Variants in PRG3 observed in about 807,000 individuals in gnomAD.
The protein encoded by PRG3 is proteoglycan 3.
PRG3 carries 25 observed loss-of-function variants against 26.1 expected under a neutral mutation model. The ratio of observed to expected loss-of-function variants is 0.96; its 90% CI spans 0.70 to 1.34. PRG3 has a LOEUF of 1.34. Ranked by LOEUF, PRG3 falls within the 40% of genes most tolerant of loss-of-function variation. The probability of loss-of-function intolerance (pLI) is 0.00; values close to 1 mark genes in which losing one functional copy is unlikely to be tolerated. For missense variants in PRG3, 280 were observed against 264.8 expected, an observed-to-expected ratio of 1.06 and a Z score of -0.40; for synonymous variants, 111 against 100.4, an observed-to-expected ratio of 1.11 and a Z score of -0.63.
intron 2 of PRG3, among the ~76,000 whole-genome samples, chr11:57,380,413 AAAC>A (rs1472089475): frequency 4.0e-4 from 4 of 9,956 alleles, no homozygotes; most frequent in East Asian, 0.038. Flanking sequence ...ACAAAACAAA[AAAC>A]AAACAAAAAA....
At chr11:57,377,131 T>C (rs1856952792) in intron 5 of PRG3, among the ~76,000 whole-genome samples, 2 of 152,180 alleles carry the variant, frequency 1.3e-5, no homozygotes, top group Admixed American at 6.5e-5. Context: ...CTATTGCATT[T>C]AATCCTTACC....
chr11:57,379,477 G>T lies in PRG3; in HGVS notation c.375+17C>A. Reference sequence around the variant, plus strand: ...CTTTTCCCCCAGGTCCTCCGCAGTAGCCTCCCTACTACTTACCTGAGCTTC... The same window carrying T: ...CTTTTCCCCCAGGTCCTCCGCAGTATCCTCCCTACTACTTACCTGAGCTTC... On this transcript the variant is annotated intron_variant, in intron 3 of 5. Coordinates refer to ENST00000287143, the MANE Select transcript of PRG3 (RefSeq NM_006093.4). 1.9e-6 allele frequency: 3 copies of T among 1,585,600 alleles called. No homozygotes were observed. Among genetic ancestry groups the T allele is most frequent in the Non-Finnish European group, 1.7e-6 (2 of 1,164,244 alleles).
intron 5 of PRG3, among the ~76,000 whole-genome samples, chr11:57,377,475 A>G (rs1160144463): frequency 2.0e-5 from 3 of 152,054 alleles, no homozygotes; most frequent in Non-Finnish European, 4.4e-5. Flanking sequence ...TATTGCCCTC[A>G]TATCAAAGGA....
intron 5 of PRG3, 57 bp from the exon 6 acceptor site, chr11:57,376,965 A>C (rs2134462393): frequency 1.3e-6 from 2 of 1,592,762 alleles, no homozygotes; most frequent in Non-Finnish European, 1.7e-6. Flanking sequence ...CCTGGGCTTC[A>C]CCTCTTTCCC....
intron 5 of PRG3, 81 bp downstream of exon 5, chr11:57,377,644 G>A: frequency 8.5e-7 from 1 of 1,177,416 alleles, no homozygotes; most frequent in Non-Finnish European, 1.2e-6. Context: ...TTGGGGAGGT[G>A]TGTTCAGGCA....
At position 57,378,787 on chromosome 11, in the gene PRG3, C is replaced by A; in HGVS notation, c.401G>T (p.Gly134Val). The change falls in exon 4 of 6, where the codon GGC becomes GTC. Residue 134 changes from glycine to valine, a missense_variant. Transcript: ENST00000287143. ...AQNVCSRCYG[G>V]NLVSIHDFNF... ...GAAGTCATGGATAGAGACAAGGTTG[C>A]CTCCGTAGCATCTGCTGCAGACATT... 1.9e-6 allele frequency: 3 copies of A among 1,613,764 alleles called. No homozygotes were observed. Among genetic ancestry groups the A allele is most frequent in the Non-Finnish European group, 2.5e-6 (3 of 1,179,964 alleles).
At chr11:57,377,631 A>G in intron 5 of PRG3, 94 bp downstream of exon 5, 4 of 1,031,454 alleles carry the variant, frequency 3.9e-6, no homozygotes, top group Non-Finnish European at 4.3e-6. Context: ...GGAGGGTCTG[A>G]GTTTGGGGAG....
intron 5 of PRG3, 87 bp from the exon 6 acceptor site, chr11:57,376,995 T>G: frequency 7.3e-7 from 1 of 1,361,760 alleles, no homozygotes; most frequent in Non-Finnish European, 1.0e-6. Flanking sequence ...GCCCCCTATG[T>G]CCCCATCTAT....
At position 57,381,111 on chromosome 11, in the gene PRG3, CA is replaced by C. The variant is rs2134465698; in HGVS notation, c.-74+2del. 1 of 154,908 alleles carries C rather than the reference CA, an allele frequency of 6.5e-6. No individual in the cohort carries two copies. Among genetic ancestry groups the C allele is most frequent in the African/African-American group, 2.4e-5 (1 of 41,634 alleles). The allele number at this position is 154,908 out of a possible 1,614,324, so 9.6% of individuals were successfully genotyped here. On this transcript the variant is annotated splice_donor_variant, in intron 1 of 5. Coordinates refer to ENST00000287143, the MANE Select transcript of PRG3 (RefSeq NM_006093.4). LOFTEE classifies it low-confidence loss of function (5UTR_SPLICE). The stretch of plus-strand genomic sequence containing the variant: ...CTGCCTGGGCAGCCAGAAAAGAACT[CA>C]CCTTCCAAGAGTCTGAGACCTCCAC...
intron 4 of PRG3, 76 bp downstream of exon 4, chr11:57,378,605 G>C: frequency 6.4e-7 from 1 of 1,565,844 alleles, no homozygotes; most frequent in Non-Finnish European, 8.7e-7. Flanking sequence ...GCTGGCCTGA[G>C]GCTTGGCACC....
Position 57,376,867 on chromosome 11 carries a change from A to T in PRG3, c.661T>A (p.Phe221Ile). Residue 221 changes from phenylalanine (F) to isoleucine (I), a missense_variant, in exon 6 of 6, where the codon TTC becomes ATC. Physicochemically the swap from Phe to Ile is conservative, Grantham distance 21. Coordinates refer to ENST00000287143, the MANE Select transcript of PRG3 (RefSeq NM_006093.4). ...RRAQCDKQLP[F>I]VCSF ...CCGCTGGCTTAGAAGGAGCAGACGAAGGGCAGTTGCTTGTCGCATTGAGCT... is the reference window on the plus strand; with the variant it reads ...CCGCTGGCTTAGAAGGAGCAGACGATGGGCAGTTGCTTGTCGCATTGAGCT... 1 of 1,612,578 alleles carries T rather than the reference A, an allele frequency of 6.2e-7. No homozygotes were observed. The highest frequency in any genetic ancestry group is 8.5e-7 in the Non-Finnish European group (1 of 1,179,860).
At chr11:57,378,599 G>A in intron 4 of PRG3, 82 bp downstream of exon 4, 1 of 1,543,682 alleles carries the variant, frequency 6.5e-7, no homozygotes, top group Non-Finnish European at 8.8e-7. Flanking sequence ...TTAGCTGCTG[G>A]CCTGAGGCTT....
chr11:57,377,234 T>A (rs1054959679), intron 5 of PRG3, among the ~76,000 whole-genome samples: 10 of 152,210 alleles, frequency 6.6e-5, no homozygotes, highest in Non-Finnish European at 1.3e-4. Flanking sequence ...TGTATCTCAG[T>A]TGGCAAGTGG....
chr11:57,380,481 G>A (rs1401088971), intron 2 of PRG3, among the ~76,000 whole-genome samples, 167 bp downstream of exon 2: 1 of 151,992 alleles, frequency 6.6e-6, no homozygotes, highest in Non-Finnish European at 1.5e-5. Flanking sequence ...GAAAGTTCCA[G>A]GTTACAGTTC....
At position 57,379,720 on chromosome 11, in the gene PRG3, A is replaced by C. The variant is rs1428459713; in HGVS notation, c.149T>G (p.Leu50Trp). The change falls in exon 3 of 6, where the codon TTG becomes TGG. Residue 50 changes from leucine to tryptophan, a missense_variant. Leu to Trp is a moderately conservative substitution (Grantham distance 61). Transcript: ENST00000287143. ...CTGAATCACCTCCTCCGTCAGAGCC[A>C]AGTCTCTCTCCTGCTCCTTTGAACT... is the stretch of plus-strand genomic sequence containing the variant. Reference protein sequence around the residue: ...LDSSKEQERDLALTEEVIQAE... With the variant: ...LDSSKEQERDWALTEEVIQAE... 1 of 1,613,982 alleles carries C rather than the reference A, an allele frequency of 6.2e-7. No homozygotes were observed. The highest frequency in any genetic ancestry group is 1.6e-4 in the Middle Eastern group (1 of 6,062).
intron 2 of PRG3, among the ~76,000 whole-genome samples, chr11:57,380,148 T>G (rs1160035302): frequency 6.6e-6 from 1 of 152,182 alleles, no homozygotes; most frequent in African/African-American, 2.4e-5. Context: ...ACGCCTGTAA[T>G]CCCAGCACTT....
At chr11:57,378,249 C>T (rs933532596) in intron 4 of PRG3, among the ~76,000 whole-genome samples, 3 of 151,970 alleles carry the variant, frequency 2.0e-5, no homozygotes, top group Non-Finnish European at 4.4e-5. Flanking sequence ...AAGAAGGTCC[C>T]CATTTCAGGG....
intron 3 of PRG3, 113 bp from the exon 4 acceptor site, chr11:57,378,925 T>C: frequency 8.0e-7 from 1 of 1,244,858 alleles, no homozygotes; most frequent in Non-Finnish European, 1.1e-6. Flanking sequence ...CTTGCCTCCC[T>C]TAATCCTATC....
chr11:57,380,539 G>A, intron 2 of PRG3, 109 bp downstream of exon 2: 1 of 907,062 alleles, frequency 1.1e-6, no homozygotes, highest in Non-Finnish European at 1.6e-6. Context: ...CAGCTAAAGA[G>A]GGAAGGCTGT....
Sources: gnomAD v4.1 joint callset for allele counts (sites outside exome capture counted in the v4.1 genomes callset) on GRCh38, gnomAD v4.1.1 for gene constraint, MANE v1.5 for transcripts, NCBI Gene and HGNC (gene_info 2026-07-23, HGNC 2026-07-21) for gene names.